GLI2: variants seen among roughly 807,000 people sequenced by gnomAD.
GLI2 encodes the protein GLI family zinc finger 2.
A neutral mutation model predicts 78.9 loss-of-function variants in GLI2; 22 were observed. The ratio of observed to expected loss-of-function variants is 0.28; its 90% CI spans 0.20 to 0.40. The LOEUF (loss-of-function observed/expected upper bound fraction) is 0.40, where lower values mean the gene tolerates loss of function less well. Among genes scored for constraint, GLI2 ranks in the 10% least tolerant of loss-of-function variants. GLI2 has a pLI of 1.00. For synonymous variants in GLI2, 974 were observed against 963.7 expected (o/e 1.01, Z -0.20); for missense variants, 2,097 against 2,213.2 (o/e 0.95, Z 1.05).
rs1683329588 is a variant in GLI2, at chr2:120,992,574, A to C, written c.*1899A>C. 1 of 152,238 alleles carries C rather than the reference A, an allele frequency of 6.6e-6. No homozygotes were observed. Among genetic ancestry groups the C allele is most frequent in the Non-Finnish European group, 1.5e-5 (1 of 68,042 alleles). 9.4% of individuals were successfully genotyped at this position (152,238 alleles called of 1,614,324 possible). On this transcript the variant is annotated 3_prime_UTR_variant, in exon 14 of 14. Transcript: ENST00000361492. The stretch of plus-strand genomic sequence containing the variant: ...GGCAGTAAATTTGGTGCATTCGAGC[A>C]GAAATTAGGCTGTATTTTTTCTTAA...
chr2:120,887,576 AC>A (rs1677474509), intron 2 of GLI2, among the ~76,000 whole-genome samples: 2 of 152,244 alleles, frequency 1.3e-5, no homozygotes, highest in South Asian at 4.1e-4. Flanking sequence ...CGGTGCACAC[AC>A]AAATCATGAT....
At chr2:120,767,931 C>T (rs1029528649) in intron 1 of GLI2, among the ~76,000 whole-genome samples, 34 of 152,286 alleles carry the variant, frequency 2.2e-4, no homozygotes, top group African/African-American at 7.2e-4. Context: ...CAGAAGGACT[C>T]GATGCCTGGT....
intron 2 of GLI2, among the ~76,000 whole-genome samples, chr2:120,833,238 G>C (rs186321806): frequency 3.0e-4 from 46 of 151,926 alleles, no homozygotes; most frequent in African/African-American, 7.7e-4. Context: ...GTGTTTGCCT[G>C]TTGCGGATTC....
At chr2:120,841,505 T>C (rs986150911) in intron 2 of GLI2, among the ~76,000 whole-genome samples, 1 of 152,348 alleles carries the variant, frequency 6.6e-6, no homozygotes, top group African/African-American at 2.4e-5. Context: ...GTAATGGCAG[T>C]TCCCCCCAGA....
chr2:120,882,905 C>T (rs974449301), intron 2 of GLI2, among the ~76,000 whole-genome samples: 13 of 152,050 alleles, frequency 8.5e-5, no homozygotes, highest in Non-Finnish European at 1.8e-4. Flanking sequence ...CAAATGTATA[C>T]GGTTGTGTAA....
chr2:120,782,907 C>T (rs942165512), intron 1 of GLI2, among the ~76,000 whole-genome samples: 1 of 152,216 alleles, frequency 6.6e-6, no homozygotes, highest in African/African-American at 2.4e-5. Flanking sequence ...ACTGCAGGCT[C>T]TCTTACAATC....
At chr2:120,830,858 G>A (rs1197886064) in intron 2 of GLI2, among the ~76,000 whole-genome samples, 2 of 151,776 alleles carry the variant, frequency 1.3e-5, no homozygotes, top group East Asian at 1.9e-4. Flanking sequence ...CTGTTTCTTT[G>A]TCTGTCCCTC....
In GLI2 at chr2:120,737,527, T is replaced by A. The variant is rs890006843; in HGVS notation, c.-31+1242T>A. 6.6e-6 allele frequency among the ~76,000 whole-genome samples: 1 copy of A among 152,174 alleles called. No individual in the cohort carries two copies. The highest frequency in any genetic ancestry group is 2.4e-5 in the African/African-American group (1 of 41,440). ...GTCCCTACTGTCTGGTCCCGCGCCCTGGGAGTCTTGTAGGCGTCCCTCTGT... is the reference window on the plus strand; with the variant it reads ...GTCCCTACTGTCTGGTCCCGCGCCCAGGGAGTCTTGTAGGCGTCCCTCTGT... On this transcript the variant is annotated intron_variant, in intron 1 of 13. Transcript: ENST00000361492. This position sits in a 1 kb window ranked among gnomAD's most constrained non-coding sequence, Gnocchi z 4.3.
intron 2 of GLI2, among the ~76,000 whole-genome samples, chr2:120,878,198 C>A (rs528904315): frequency 8.1e-4 from 123 of 152,282 alleles, no homozygotes; most frequent in African/African-American, 2.9e-3. Flanking sequence ...TTCCTTCAGC[C>A]ACAGATATTC....
chr2:120,802,083 C>T (rs1335603831), intron 2 of GLI2, among the ~76,000 whole-genome samples: 3 of 152,184 alleles, frequency 2.0e-5, no homozygotes, highest in Admixed American at 6.5e-5. Flanking sequence ...CTGCTCTCTT[C>T]CAAACAGCCA....
At chr2:120,854,727 G>A (rs1484711859) in intron 2 of GLI2, among the ~76,000 whole-genome samples, 1 of 152,260 alleles carries the variant, frequency 6.6e-6, no homozygotes, top group East Asian at 1.9e-4. Flanking sequence ...TGTTTGCCTA[G>A]CATGGGGTTC....
intron 1 of GLI2, among the ~76,000 whole-genome samples, chr2:120,765,987 G>A (rs1244865489): frequency 2.0e-5 from 3 of 152,134 alleles, no homozygotes; most frequent in African/African-American, 7.2e-5. Flanking sequence ...CAGTGATAAC[G>A]CCTGTTTTCT....
chr2:120,849,569 C>T (rs975832621), intron 2 of GLI2, among the ~76,000 whole-genome samples: 4 of 152,200 alleles, frequency 2.6e-5, no homozygotes, highest in East Asian at 1.9e-4. Context: ...TAGTGCCAAG[C>T]TTGGAGCACT....
Position 120,988,875 on chromosome 2 carries a change from C to A in GLI2, c.2910C>A (p.Phe970Leu). 1 of 1,502,670 alleles carries A rather than the reference C, an allele frequency of 6.7e-7. No individual in the cohort carries two copies. Among genetic ancestry groups the A allele is most frequent in the Non-Finnish European group, 8.9e-7 (1 of 1,128,184 alleles). The allele number at this position is 1,502,670 out of a possible 1,614,324, so 93.1% of individuals were successfully genotyped here. ...TGTCCCTGCCGCGGGTGCAGCGCTT[C>A]CACAGCACCCACAACGTGAACCCCG... Reference protein sequence around the residue: ...DALSLPRVQRFHSTHNVNPGP... With the variant: ...DALSLPRVQRLHSTHNVNPGP... Residue 970 changes from phenylalanine to leucine, a missense_variant, in exon 14 of 14, where the codon TTC (phenylalanine) becomes TTA (leucine). This residue lies in a region of GLI2 where 1,290 missense variants were observed against 1,261.7 expected (regional missense o/e 1.02). Transcript: ENST00000361492.
chr2:120,892,154 A>G (rs995294868), intron 2 of GLI2, among the ~76,000 whole-genome samples: 5 of 152,142 alleles, frequency 3.3e-5, no homozygotes, highest in African/African-American at 1.2e-4. Context: ...TCAGCCAGGG[A>G]AGGGAAGATT....
At chr2:120,863,649 A>G (rs1032577938) in intron 2 of GLI2, among the ~76,000 whole-genome samples, 4 of 152,242 alleles carry the variant, frequency 2.6e-5, no homozygotes, top group African/African-American at 9.6e-5. Context: ...AAAGCTACTC[A>G]TATTATGTTA....
intron 2 of GLI2, among the ~76,000 whole-genome samples, chr2:120,878,368 G>T (rs1452839526): frequency 1.3e-5 from 2 of 152,252 alleles, no homozygotes; most frequent in Non-Finnish European, 2.9e-5. Flanking sequence ...TCCAGGAAGA[G>T]CTGCCTAAGC....
chr2:120,859,936 A>C (rs942196079), intron 2 of GLI2, among the ~76,000 whole-genome samples: 8 of 152,186 alleles, frequency 5.3e-5, no homozygotes, highest in Admixed American at 5.2e-4. Flanking sequence ...GACAGGCGTG[A>C]GCCACCATGC....
intron 4 of GLI2, 26 bp downstream of exon 4, chr2:120,951,471 G>C (rs1680990329): frequency 6.8e-7 from 1 of 1,460,860 alleles, no homozygotes; most frequent in South Asian, 1.2e-5. Context: ...GGATGGGGAG[G>C]GGCAGCTAGG....
Sources: allele counts gnomAD v4.1 joint callset (sites outside exome capture counted in the v4.1 genomes callset), GRCh38; gene constraint gnomAD v4.1.1; regional missense constraint gnomAD v4.1.1; non-coding constraint Gnocchi (gnomAD v3.1); transcripts MANE v1.5; gene names NCBI Gene and HGNC (gene_info 2026-07-23, HGNC 2026-07-21).